Variants in OPRM1 observed in about 807,000 individuals in gnomAD.
The protein encoded by OPRM1 is opioid receptor mu 1.
OPRM1 carries 27 observed loss-of-function variants against 31.8 expected under a neutral mutation model. That is an observed-to-expected ratio of 0.85 (90% CI 0.63 to 1.17). The LOEUF is 1.17. Among genes scored for constraint, OPRM1 ranks in the 50% most tolerant of loss-of-function variants. The pLI is 0.00. For synonymous variants in OPRM1, 196 were observed against 189.9 expected, an observed-to-expected ratio of 1.03 and a Z score of -0.26; for missense variants, 536 against 511.1, an observed-to-expected ratio of 1.05 and a Z score of -0.47.
chr6:154,129,852 G>GCACA lies in OPRM1; in HGVS notation c.*11162_*11165dup, dbSNP rs59576607. Among the ~76,000 whole-genome samples, 2,262 of 131,484 alleles carry GCACA rather than the reference G, an allele frequency of 0.017. 56 individuals carry two copies. Among genetic ancestry groups the GCACA allele is most frequent in the African/African-American group, 0.058 (2,071 of 35,818 alleles). The allele number at this position is 131,484 out of a possible 152,430, so 86.3% of individuals were successfully genotyped here. A position where few individuals can be genotyped will look rare whatever the true frequency, so the allele number is the denominator to read the frequency against. ...TTACCACCGACACCCTCCCCCCCCA[G>GCACA]CACACACACACACACACACACACAC... On this transcript the variant is annotated 3_prime_UTR_variant, in exon 4 of 4. Coordinates refer to ENST00000330432, the MANE Select transcript of OPRM1 (RefSeq NM_000914.5).
chr6:154,111,984 C>G (rs1441993331), intron 3 of OPRM1, among the ~76,000 whole-genome samples: 4 of 152,126 alleles, frequency 2.6e-5, no homozygotes, highest in African/African-American at 9.7e-5. Flanking sequence ...CCAGGATGGT[C>G]TCGATCTCCT....
chr6:154,201,425 C>T (rs959138475), intron 3 of OPRM1, among the ~76,000 whole-genome samples: 2 of 152,188 alleles, frequency 1.3e-5, no homozygotes, highest in Non-Finnish European at 2.9e-5. Context: ...GATTCAGCAA[C>T]TCTGTCTTGT....
chr6:154,157,601 G>C (rs6916787), intron 3 of OPRM1: 1 of 152,110 alleles, frequency 6.6e-6, no homozygotes, highest in African/African-American at 2.4e-5. Context: ...AAAGCCAAAG[G>C]AAAGCATTCA....
chr6:154,018,978 A>T (rs969332788), intron 1 of OPRM1, among the ~76,000 whole-genome samples: 6 of 151,904 alleles, frequency 3.9e-5, no homozygotes, highest in African/African-American at 1.5e-4. Flanking sequence ...TTTCAGTTTG[A>T]TGGGTGCCTA....
At chr6:154,222,234 C>A (rs751043807) in intron 3 of OPRM1, among the ~76,000 whole-genome samples, 1 of 152,220 alleles carries the variant, frequency 6.6e-6, no homozygotes, top group African/African-American at 2.4e-5. Context: ...ACCCTTTAGG[C>A]AGGAAGTCCT....
intron 3 of OPRM1, chr6:154,221,425 G>T: frequency 1.1e-6 from 1 of 896,354 alleles, no homozygotes. Flanking sequence ...TTGTAAACTT[G>T]TCTGCTTTCT....
At chr6:154,074,874 A>G (rs1392454262) in intron 1 of OPRM1, among the ~76,000 whole-genome samples, 1 of 152,228 alleles carries the variant, frequency 6.6e-6, no homozygotes, top group East Asian at 1.9e-4. Flanking sequence ...TAGACACGGA[A>G]AAACTAAAAT....
chr6:154,065,054 A>C (rs1454383780), intron 1 of OPRM1, among the ~76,000 whole-genome samples: 1 of 152,136 alleles, frequency 6.6e-6, no homozygotes, highest in Non-Finnish European at 1.5e-5. Flanking sequence ...TAAAGATTGC[A>C]TTGAATCTGA....
At chr6:154,063,674 C>A (rs1784824775) in intron 1 of OPRM1, among the ~76,000 whole-genome samples, 1 of 152,012 alleles carries the variant, frequency 6.6e-6, no homozygotes, top group South Asian at 2.1e-4. Flanking sequence ...TCCTCCCAAA[C>A]CCTGGTAATC....
In OPRM1 at chr6:154,091,392, C is replaced by T. The variant is rs759581216; in HGVS notation, c.1084C>T (p.Gln362Ter). The change falls in exon 3 of 4, where the codon CAA becomes TAA. Residue 362 changes from glutamine (Q) to a stop codon, truncating the protein, a stop_gained. Transcript: ENST00000330432. LOFTEE classifies it high-confidence loss of function. ...FCIPTSSNIE[Q>*]QNSTRIRQNT... ...TATCCCAACCTCTTCCAACATTGAG[C>T]AACAAAACTCCACTCGAATTCGTCA... 2.1e-5 allele frequency: 34 copies of T among 1,614,022 alleles called. No individual in the cohort carries two copies. The highest frequency in any genetic ancestry group is 2.9e-5 in the Non-Finnish European group (34 of 1,180,050).
rs200468548 is a variant in OPRM1, at chr6:154,039,524, G to C, written c.-21G>C. ...GCTCCTGGCTACCTCGCACAGCGGT[G>C]CCCGCCCGGCCGTCAGTACCATGGA... On this transcript the variant is annotated 5_prime_UTR_variant, in exon 1 of 4. Coordinates refer to ENST00000330432, the MANE Select transcript of OPRM1 (RefSeq NM_000914.5). 6.3e-7 allele frequency: 1 copy of C among 1,598,368 alleles called. No homozygotes were observed.
chr6:154,132,764 T>G (rs1323524885), downstream of OPRM1, among the ~76,000 whole-genome samples: 1 of 152,220 alleles, frequency 6.6e-6, no homozygotes, highest in East Asian at 1.9e-4. Context: ...ATTCAGAGCA[T>G]GCTCTGGGTT....
intron 3 of OPRM1, among the ~76,000 whole-genome samples, chr6:154,188,819 A>G (rs189260762): frequency 6.6e-6 from 1 of 152,364 alleles, no homozygotes; most frequent in East Asian, 1.9e-4. Context: ...ATATGGAGTA[A>G]GATGATATTG....
chr6:154,037,529 G>T (rs1462528813), upstream of OPRM1, among the ~76,000 whole-genome samples: 2 of 152,002 alleles, frequency 1.3e-5, no homozygotes, highest in African/African-American at 4.8e-5. Flanking sequence ...AATGAGAATA[G>T]ATGAACAGCA....
At position 154,091,269 on chromosome 6, in the gene OPRM1, CA is replaced by C. The variant is rs1393252962; in HGVS notation, c.962del (p.His321ProfsTer6). The C allele has an allele frequency of 6.2e-7, 1 of 1,614,178 alleles. No homozygotes were observed. Among genetic ancestry groups the C allele is most frequent in the Admixed American group, 1.7e-5 (1 of 60,016 alleles). ...AACTACGTTCCAGACTGTTTCTTGGCACTTCTGCATTGCTCTAGGTTACACA... is the reference window on the plus strand; with the variant it reads ...AACTACGTTCCAGACTGTTTCTTGGCCTTCTGCATTGCTCTAGGTTACACA... The part of the protein sequence containing the change: ...PETTFQTVSW[H>X]FCIALGYTNS... On this transcript the variant is annotated frameshift_variant, in exon 3 of 4. Coordinates refer to ENST00000330432, the MANE Select transcript of OPRM1 (RefSeq NM_000914.5). LOFTEE classifies it high-confidence loss of function.
Position 154,170,389 on chromosome 6 carries a change from C to T in OPRM1, c.1165-76304C>T, listed in dbSNP as rs543446590. ...AATGGTGACCTAGGAGCATCAAAACCAAGCAAACTTCACATGCCTTAGAGT... is the reference window on the plus strand; with the variant it reads ...AATGGTGACCTAGGAGCATCAAAACTAAGCAAACTTCACATGCCTTAGAGT... On this transcript the variant is annotated intron_variant, in intron 3 of 3. Transcript: ENST00000337049. Among the ~76,000 whole-genome samples the T allele has an allele frequency of 2.6e-5, 4 of 152,278 alleles. No individual in the cohort carries two copies. In the South Asian group the frequency reaches 8.3e-4, roughly 32 times the overall value.
intron 3 of OPRM1, among the ~76,000 whole-genome samples, chr6:154,098,274 G>A (rs189082350): frequency 5.6e-4 from 49 of 86,866 alleles, no homozygotes; most frequent in Non-Finnish European, 1.0e-3. Context: ...AAGTGGTGCA[G>A]TATCTTCTTT....
chr6:154,099,147 C>G (rs903880138), intron 3 of OPRM1, among the ~76,000 whole-genome samples: 1 of 151,808 alleles, frequency 6.6e-6, no homozygotes, highest in African/African-American at 2.4e-5. Context: ...AAGCCAGGCG[C>G]GGTGGCATGC....
chr6:154,212,314 T>A (rs1778026171), intron 3 of OPRM1, among the ~76,000 whole-genome samples: 1 of 152,244 alleles, frequency 6.6e-6, no homozygotes, highest in South Asian at 2.1e-4. Flanking sequence ...GCACTTTTAA[T>A]GCACTAACCC....
Sources: allele counts gnomAD v4.1 joint callset (sites outside exome capture counted in the v4.1 genomes callset), GRCh38; gene constraint gnomAD v4.1.1; transcripts MANE v1.5; gene names NCBI Gene and HGNC (gene_info 2026-07-23, HGNC 2026-07-21).